The following SIK3 variants were observed in gnomAD, a reference collection of about 807,000 sequenced individuals.
SIK3 encodes serine/threonine-protein kinase SIK3.
Under a neutral mutation model 144.2 loss-of-function variants are expected in SIK3, and 28 were observed. The observed-to-expected ratio is 0.19, with a 90% confidence interval of 0.14 to 0.27. The LOEUF (loss-of-function observed/expected upper bound fraction) is 0.27. Among genes scored for constraint, SIK3 ranks in the 10% least tolerant of loss-of-function variants. The probability of loss-of-function intolerance (pLI) is 1.00; values close to 1 mark genes in which losing one functional copy is unlikely to be tolerated. For missense variants in SIK3, 1,319 were observed against 1,776.0 expected (o/e 0.74, Z 4.62); for synonymous variants, 686 against 676.3 (o/e 1.01, Z -0.22).
intron 1 of SIK3, among the ~76,000 whole-genome samples, chr11:117,086,871 T>G (rs1457255559): frequency 6.6e-6 from 1 of 151,166 alleles, no homozygotes; most frequent in Admixed American, 6.6e-5. Flanking sequence ...GGCACGTGCC[T>G]GTAATCCTAG....
chr11:116,893,861 A>G (rs545258852), intron 6 of SIK3: 1 of 162,472 alleles, frequency 6.2e-6, no homozygotes, highest in Non-Finnish European at 1.5e-5. Flanking sequence ...GTAAACTGGA[A>G]AGAGCGTGTC....
At chr11:117,044,285 T>C (rs1391627986) in intron 1 of SIK3, among the ~76,000 whole-genome samples, 1 of 152,182 alleles carries the variant, frequency 6.6e-6, no homozygotes, top group East Asian at 1.9e-4. Context: ...ACTATGCTTC[T>C]AAAAAAGTTT....
At chr11:116,957,165 G>C (rs1009973032) in intron 1 of SIK3, 101 bp from the exon 2 acceptor site, 12 of 573,070 alleles carry the variant, frequency 2.1e-5, no homozygotes, top group Non-Finnish European at 3.3e-5. Flanking sequence ...TAAAATATAA[G>C]CTGCCAGTAT....
intron 13 of SIK3, among the ~76,000 whole-genome samples, chr11:116,871,584 G>T (rs1159552734): frequency 6.6e-6 from 1 of 152,208 alleles, no homozygotes; most frequent in Non-Finnish European, 1.5e-5. Flanking sequence ...GAAAAGGGCT[G>T]GTGGCAGGGA....
At chr11:116,991,253 G>A in intron 1 of SIK3, among the ~76,000 whole-genome samples, 1 of 152,140 alleles carries the variant, frequency 6.6e-6, no homozygotes, top group Admixed American at 6.5e-5. Context: ...TTTGAGACCA[G>A]CTGGCCAACA....
At chr11:117,033,487 G>T (rs1206269114) in intron 1 of SIK3, among the ~76,000 whole-genome samples, 1 of 152,038 alleles carries the variant, frequency 6.6e-6, no homozygotes, top group Non-Finnish European at 1.5e-5. Context: ...GGATCACGAG[G>T]TCAAGAGATC....
intron 4 of SIK3, among the ~76,000 whole-genome samples, chr11:116,921,239 T>A (rs572231655): frequency 6.6e-6 from 1 of 152,226 alleles, no homozygotes; most frequent in Non-Finnish European, 1.5e-5. Flanking sequence ...TTTACTTTTT[T>A]AATAAGATAT....
At chr11:116,909,442 T>C (rs1270060347) in intron 4 of SIK3, among the ~76,000 whole-genome samples, 1 of 152,220 alleles carries the variant, frequency 6.6e-6, no homozygotes, top group Non-Finnish European at 1.5e-5. Flanking sequence ...TGATGAAATT[T>C]TCTAGTTTTT....
At chr11:117,076,758 G>C (rs1954560077) in intron 1 of SIK3, among the ~76,000 whole-genome samples, 1 of 151,980 alleles carries the variant, frequency 6.6e-6, no homozygotes, top group Non-Finnish European at 1.5e-5. Flanking sequence ...GGCCAGGCTG[G>C]TCTTGAACTC....
chr11:116,929,556 G>A (rs1947480539), intron 3 of SIK3, among the ~76,000 whole-genome samples: 2 of 152,142 alleles, frequency 1.3e-5, no homozygotes, highest in Admixed American at 1.3e-4. Context: ...TGTTATACGG[G>A]CCAGAAGCTG....
intron 1 of SIK3, among the ~76,000 whole-genome samples, chr11:117,034,945 A>C (rs1364580307): frequency 6.6e-6 from 1 of 152,252 alleles, no homozygotes; most frequent in African/African-American, 2.4e-5. Context: ...ATTTTTAATA[A>C]CTTTGTAACA....
intron 1 of SIK3, among the ~76,000 whole-genome samples, chr11:117,079,140 A>G (rs1363676529): frequency 6.6e-6 from 1 of 152,220 alleles, no homozygotes; most frequent in East Asian, 1.9e-4. Flanking sequence ...GAGATTATAG[A>G]GCTTCCCAAA....
At chr11:117,050,428 G>A (rs1485476369) in intron 1 of SIK3, among the ~76,000 whole-genome samples, 1 of 152,118 alleles carries the variant, frequency 6.6e-6, no homozygotes, top group African/African-American at 2.4e-5. Flanking sequence ...GCTCATGCCT[G>A]TAATCCCAGT....
rs750112102 is a variant in SIK3, at chr11:116,873,971, T to C, written c.1513A>G (p.Asn505Asp). Residue 505 changes from asparagine (N) to aspartate (D), a missense_variant, in exon 12 of 25, where the codon AAT (asparagine) becomes GAT (aspartate). Asn to Asp is a conservative substitution (Grantham distance 23). This residue lies in a region of SIK3 where 167 missense variants were observed against 263.3 expected (regional missense o/e 0.63). Transcript: ENST00000445177. ...AACAGGTTGTGCATGAAGTTCACATTAGGGGCCACCTGCAGGAATGGAGCC... is the reference window on the plus strand; with the variant it reads ...AACAGGTTGTGCATGAAGTTCACATCAGGGGCCACCTGCAGGAATGGAGCC... ...PQAPFLQVAP[N>D]VNFMHNLLPM... The C allele has an allele frequency of 3.1e-6, 5 of 1,614,008 alleles. No individual in the cohort carries two copies. The highest frequency in any genetic ancestry group is 4.2e-6 in the Non-Finnish European group (5 of 1,179,966).
intron 1 of SIK3, among the ~76,000 whole-genome samples, chr11:117,006,524 A>G (rs188248894): frequency 6.6e-6 from 1 of 152,096 alleles, no homozygotes; most frequent in East Asian, 1.9e-4. Context: ...GCTGCTGCAC[A>G]CTGCGGCTCA....
intron 1 of SIK3, among the ~76,000 whole-genome samples, chr11:117,004,478 T>A (rs565194631): frequency 6.6e-6 from 1 of 152,198 alleles, no homozygotes; most frequent in South Asian, 2.1e-4. Flanking sequence ...ATTGTGCCAC[T>A]GCACTCCAGC....
At chr11:116,977,706 A>G (rs1949997573) in intron 1 of SIK3, among the ~76,000 whole-genome samples, 1 of 152,214 alleles carries the variant, frequency 6.6e-6, no homozygotes, top group Non-Finnish European at 1.5e-5. Context: ...TTTAACAATA[A>G]TAAGCTAATT....
At chr11:116,939,464 T>C (rs1263979797) in intron 3 of SIK3, among the ~76,000 whole-genome samples, 1 of 152,176 alleles carries the variant, frequency 6.6e-6, no homozygotes, top group African/African-American at 2.4e-5. Flanking sequence ...TCTAATGAAA[T>C]AGCTAGGCAA....
At chr11:117,093,325 C>A (rs1204228663) in intron 1 of SIK3, among the ~76,000 whole-genome samples, 1 of 152,166 alleles carries the variant, frequency 6.6e-6, no homozygotes, top group Non-Finnish European at 1.5e-5. Flanking sequence ...AATGAGTTTG[C>A]ACTAAACCAC....
Sources: allele counts gnomAD v4.1 joint callset (sites outside exome capture counted in the v4.1 genomes callset), GRCh38; gene constraint gnomAD v4.1.1; regional missense constraint gnomAD v4.1.1; transcripts MANE v1.5; gene names NCBI Gene and HGNC (gene_info 2026-07-23, HGNC 2026-07-21).